Variants in STARD13 observed in about 807,000 individuals in gnomAD.
STARD13 encodes stAR-related lipid transfer protein 13.
A neutral mutation model predicts 106.4 loss-of-function variants in STARD13; 62 were observed. That is an observed-to-expected ratio of 0.58 (90% CI 0.48 to 0.72). STARD13 has a LOEUF of 0.72. Among genes scored for constraint, STARD13 ranks in the 30% least tolerant of loss-of-function variants. STARD13 has a pLI of 0.00. For missense variants in STARD13, 1,387 were observed against 1,424.0 expected, an observed-to-expected ratio of 0.97 and a Z score of 0.42; for synonymous variants, 565 against 553.0, an observed-to-expected ratio of 1.02 and a Z score of -0.31.
In STARD13 at chr13:33,165,375, A is replaced by T; in HGVS notation, c.285T>A (p.His95Gln). 1.2e-6 allele frequency: 2 copies of T among 1,614,058 alleles called. No homozygotes were observed. The highest frequency in any genetic ancestry group is 1.7e-6 in the Non-Finnish European group (2 of 1,179,918). The change falls in exon 3 of 14, where the codon CAT becomes CAA. Residue 95 changes from histidine (H) to glutamine (Q), a missense_variant. Physicochemically the swap from His to Gln is conservative, Grantham distance 24. Transcript: ENST00000336934. ...CTACAAGGTCCTTTTCAAGAAAATC[A>T]TGATCATTCTTGACAGCCACAATGT... ...PINIVAVKND[H>Q]DFLEKDLVEP...
chr13:33,290,018 C>G (rs1026649997), upstream of STARD13, among the ~76,000 whole-genome samples: 1 of 152,162 alleles, frequency 6.6e-6, no homozygotes, highest in African/African-American at 2.4e-5. Flanking sequence ...ACAGTCAAAA[C>G]TCTGAAATTT....
intron 1 of STARD13, among the ~76,000 whole-genome samples, chr13:33,175,411 G>A (rs1316095878): frequency 1.3e-5 from 2 of 152,162 alleles, no homozygotes; most frequent in African/African-American, 4.8e-5. Flanking sequence ...TAATTTGCAA[G>A]CATTGGCCAA....
At chr13:33,160,245 T>G (rs567095259) in intron 3 of STARD13, among the ~76,000 whole-genome samples, 1 of 152,170 alleles carries the variant, frequency 6.6e-6, no homozygotes, top group African/African-American at 2.4e-5. Context: ...TGGACATTGA[T>G]ATACAAAAAG....
intron 1 of STARD13, among the ~76,000 whole-genome samples, chr13:33,227,389 T>C (rs1566085796): frequency 1.3e-5 from 2 of 152,182 alleles, no homozygotes; most frequent in Non-Finnish European, 2.9e-5. Context: ...TCCATATCAA[T>C]ACCTTGAAAA....
the STARD13 span, among the ~76,000 whole-genome samples, chr13:33,599,931 A>T: frequency 6.6e-6 from 1 of 152,194 alleles, no homozygotes; most frequent in African/African-American, 2.4e-5. Flanking sequence ...TTCTCCATGC[A>T]TGTTACTTAC....
At chr13:33,260,314 C>T (rs1890578341) in intron 1 of STARD13, among the ~76,000 whole-genome samples, 1 of 152,214 alleles carries the variant, frequency 6.6e-6, no homozygotes, top group Admixed American at 6.5e-5. Flanking sequence ...CACTTATTTG[C>T]AATGAAAGAG....
At chr13:33,240,553 C>T (rs1325511367) in intron 1 of STARD13, among the ~76,000 whole-genome samples, 1 of 152,084 alleles carries the variant, frequency 6.6e-6, no homozygotes, top group East Asian at 1.9e-4. Context: ...TCTTTAATTT[C>T]TTTCAGCAAT....
intron 1 of STARD13, among the ~76,000 whole-genome samples, chr13:33,258,204 T>C (rs772888462): frequency 4.6e-5 from 7 of 152,216 alleles, no homozygotes; most frequent in Non-Finnish European, 1.0e-4. Context: ...ATGATTCTGG[T>C]TGCCATGGAG....
At chr13:33,294,329 G>A (rs1594229598) in intron 1 of STARD13, among the ~76,000 whole-genome samples, 1 of 152,180 alleles carries the variant, frequency 6.6e-6, no homozygotes, top group East Asian at 1.9e-4. Flanking sequence ...CAGATGCAGT[G>A]CTCCAAGCTG....
the STARD13 span, among the ~76,000 whole-genome samples, chr13:33,477,261 G>C: frequency 1.3e-5 from 2 of 152,104 alleles, no homozygotes; most frequent in Admixed American, 1.3e-4. Context: ...ATGCTTAAAG[G>C]GTTTTCAGGG....
chr13:33,137,582 T>C (rs912703745), intron 4 of STARD13, among the ~76,000 whole-genome samples: 2 of 152,182 alleles, frequency 1.3e-5, no homozygotes, highest in African/African-American at 4.8e-5. Context: ...TGGAAGGCCT[T>C]TCTAGTCTGT....
At chr13:33,633,873 C>T in the STARD13 span, among the ~76,000 whole-genome samples, 2 of 152,106 alleles carry the variant, frequency 1.3e-5, no homozygotes, top group African/African-American at 4.8e-5. Context: ...GCTCATTTTC[C>T]CTCCTGACCA....
chr13:33,294,723 G>C (rs1301475867), intron 1 of STARD13, among the ~76,000 whole-genome samples: 1 of 152,056 alleles, frequency 6.6e-6, no homozygotes, highest in East Asian at 1.9e-4. Flanking sequence ...AGTCTTTTAG[G>C]TAGAATTTGT....
the STARD13 span, among the ~76,000 whole-genome samples, chr13:33,438,400 A>G: frequency 6.6e-6 from 1 of 152,186 alleles, no homozygotes; most frequent in Non-Finnish European, 1.5e-5. Flanking sequence ...GTCATAATTT[A>G]CTATTTGGAC....
chr13:33,410,136 A>C, the STARD13 span, among the ~76,000 whole-genome samples: 1 of 152,248 alleles, frequency 6.6e-6, no homozygotes, highest in Admixed American at 6.5e-5. Context: ...GCTTAATGCA[A>C]GCTTAATAAA....
chr13:33,223,238 C>A (rs927280358), intron 1 of STARD13, among the ~76,000 whole-genome samples: 12 of 152,190 alleles, frequency 7.9e-5, no homozygotes, highest in African/African-American at 2.9e-4. Flanking sequence ...ATAGAGAAGT[C>A]CCACTTTGGT....
At chr13:33,351,275 G>T (rs1343599544), upstream of STARD13, among the ~76,000 whole-genome samples, 3 of 152,134 alleles carry the variant, frequency 2.0e-5, no homozygotes, top group Non-Finnish European at 2.9e-5. Context: ...CTTTGAGAAA[G>T]CATTACAATC....
chr13:33,506,841 G>A, the STARD13 span, among the ~76,000 whole-genome samples: 6 of 152,304 alleles, frequency 3.9e-5, no homozygotes, highest in South Asian at 1.2e-3. Flanking sequence ...CCAGGGATTG[G>A]TGGCTCTCAC....
intron 3 of STARD13, among the ~76,000 whole-genome samples, chr13:33,154,857 A>G (rs1881755395): frequency 6.6e-6 from 1 of 152,202 alleles, no homozygotes; most frequent in South Asian, 2.1e-4. Context: ...CTGAAGGCTG[A>G]GCAAAGCAGC....
Sources: gnomAD v4.1 joint callset for allele counts (sites outside exome capture counted in the v4.1 genomes callset) on GRCh38, gnomAD v4.1.1 for gene constraint, MANE v1.5 for transcripts, NCBI Gene and HGNC (gene_info 2026-07-23, HGNC 2026-07-21) for gene names.